The following SEPTIN9 variants were observed in gnomAD, a reference collection of about 807,000 sequenced individuals.
SEPTIN9 encodes septin-9.
SEPTIN9 carries 13 observed loss-of-function variants against 56.6 expected under a neutral mutation model. That is an observed-to-expected ratio of 0.23 (90% CI 0.15 to 0.37). SEPTIN9 has a LOEUF of 0.37. SEPTIN9 is among the 10% of genes least tolerant of loss of function. SEPTIN9 has a pLI of 1.00. For synonymous variants in SEPTIN9, 332 were observed against 334.1 expected, an observed-to-expected ratio of 0.99 and a Z score of 0.07; for missense variants, 650 against 823.1, an observed-to-expected ratio of 0.79 and a Z score of 2.57.
chr17:77,391,945 T>A (rs1408416473), intron 2 of SEPTIN9, among the ~76,000 whole-genome samples: 1 of 152,200 alleles, frequency 6.6e-6, no homozygotes, highest in African/African-American at 2.4e-5. Context: ...GCCCACCCCT[T>A]TGTGTTCCAT....
intron 10 of SEPTIN9, among the ~76,000 whole-genome samples, chr17:77,496,804 C>G (rs1157466313): frequency 6.6e-6 from 1 of 152,216 alleles, no homozygotes; most frequent in Non-Finnish European, 1.5e-5. Context: ...GTGCTCTGAG[C>G]GCACACAAGG....
chr17:77,464,834 C>T (rs1368493672), intron 3 of SEPTIN9, among the ~76,000 whole-genome samples: 3 of 151,802 alleles, frequency 2.0e-5, no homozygotes, highest in African/African-American at 7.3e-5. Flanking sequence ...ACCTCGTGAT[C>T]CACCCGCCTC....
chr17:77,419,281 G>T (rs1173730332), intron 3 of SEPTIN9, among the ~76,000 whole-genome samples: 3 of 152,182 alleles, frequency 2.0e-5, no homozygotes, highest in Non-Finnish European at 2.9e-5. Flanking sequence ...TCCTGGGCAC[G>T]AGTTGGGAGC....
rs1281236589 is a variant in SEPTIN9, at chr17:77,330,631, C to T, written c.76+23434C>T. The stretch of plus-strand genomic sequence containing the variant: ...AGTGGGGGCACCTGTGCAGCTCACC[C>T]TGCAGAACAGACAATTTGGTTAAAG... On this transcript the variant is annotated intron_variant, in intron 2 of 11. Transcript: ENST00000427177. This position sits in a 1 kb window ranked among gnomAD's most constrained non-coding sequence, Gnocchi z 4.4. Among the ~76,000 whole-genome samples the T allele has an allele frequency of 6.6e-6, 1 of 152,234 alleles. No homozygotes were observed. The highest frequency in any genetic ancestry group is 1.5e-5 in the Non-Finnish European group (1 of 68,038).
chr17:77,397,315 G>A (rs553396747), intron 2 of SEPTIN9, among the ~76,000 whole-genome samples: 38 of 152,158 alleles, frequency 2.5e-4, no homozygotes, highest in African/African-American at 7.9e-4. Context: ...CTCTCATCAC[G>A]TAGCCCTCCC....
rs2143639519 is a variant in SEPTIN9, at chr17:77,317,077, T to C, written c.76+9880T>C. On this transcript the variant is annotated intron_variant, in intron 2 of 11. Transcript: ENST00000427177. This position sits in a 1 kb window ranked among gnomAD's most constrained non-coding sequence, Gnocchi z 4.2. The stretch of plus-strand genomic sequence containing the variant: ...CTTAACACAATGTTTTAGGAAGAAA[T>C]AGAATAACAGAAAGCAACTCCAGTG... Among the ~76,000 whole-genome samples the C allele has an allele frequency of 6.6e-6, 1 of 152,214 alleles. No homozygotes were observed. Among genetic ancestry groups the C allele is most frequent in the East Asian group, 1.9e-4 (1 of 5,180 alleles).
chr17:77,312,751 G>A (rs1026257571), intron 2 of SEPTIN9, among the ~76,000 whole-genome samples: 15 of 152,142 alleles, frequency 9.9e-5, no homozygotes, highest in Admixed American at 2.0e-4. Context: ...TTTGCCTCCC[G>A]GGTAAGAAAT....
Position 77,402,126 on chromosome 17 carries a change from G to C in SEPTIN9, c.144G>C (p.Gln48His). ...ACTCCACCCCACCCCGGAGGGTCCAGACTCCCCTACTCCGAGCCACTGTGG... is the reference window on the plus strand; with the variant it reads ...ACTCCACCCCACCCCGGAGGGTCCACACTCCCCTACTCCGAGCCACTGTGG... Reference protein sequence around the residue: ...TPNSTPPRRVQTPLLRATVAS... With the variant: ...TPNSTPPRRVHTPLLRATVAS... The change falls in exon 3 of 12, where the codon CAG (glutamine) becomes CAC (histidine). Residue 48 changes from glutamine to histidine, a missense_variant. By Grantham distance (24) the Gln-to-His change is conservative. Coordinates refer to ENST00000427177, the MANE Select transcript of SEPTIN9 (RefSeq NM_001113491.2). This position sits in a 1 kb window ranked among gnomAD's most constrained non-coding sequence, Gnocchi z 6.6. 3.7e-6 allele frequency: 6 copies of C among 1,613,922 alleles called. No homozygotes were observed. Among genetic ancestry groups the C allele is most frequent in the Non-Finnish European group, 4.2e-6 (5 of 1,179,872 alleles).
chr17:77,487,138 C>T lies in SEPTIN9; in HGVS notation c.914-286C>T, dbSNP rs1041656196. Among the ~76,000 whole-genome samples the T allele has an allele frequency of 6.6e-6, 1 of 152,210 alleles. No homozygotes were observed. Among genetic ancestry groups the T allele is most frequent in the African/African-American group, 2.4e-5 (1 of 41,440 alleles). On this transcript the variant is annotated intron_variant, in intron 4 of 11. Transcript: ENST00000427177. This position sits in a 1 kb window ranked among gnomAD's most constrained non-coding sequence, Gnocchi z 4.3. ...TCCTGTCCAGAAAGCACAAGGGGCACAAGAGATGCCGACTCTCCCAGGCCC... is the reference window on the plus strand; with the variant it reads ...TCCTGTCCAGAAAGCACAAGGGGCATAAGAGATGCCGACTCTCCCAGGCCC...
At chr17:77,396,740 G>T (rs6501953) in intron 2 of SEPTIN9, among the ~76,000 whole-genome samples, 2,307 of 152,228 alleles carry the variant, frequency 0.015, 47 homozygotes, top group African/African-American at 0.053. Context: ...AATGTCCTCC[G>T]TGGGGAGGCA....
intron 2 of SEPTIN9, among the ~76,000 whole-genome samples, chr17:77,315,650 G>A (rs1287638972): frequency 1.3e-5 from 2 of 152,232 alleles, no homozygotes; most frequent in Non-Finnish European, 2.9e-5. Context: ...GAGTGAGTGT[G>A]ACACTTCCTT....
At chr17:77,294,913 G>A (rs1412531169) in intron 1 of SEPTIN9, 1 of 152,220 alleles carries the variant, frequency 6.6e-6, no homozygotes, top group African/African-American at 2.4e-5. Context: ...GGTGAGTGGA[G>A]CGAGTATTGC....
rs894931424 is a variant in SEPTIN9, at chr17:77,437,735, T to G, written c.721+35032T>G. 1.3e-5 allele frequency among the ~76,000 whole-genome samples: 2 copies of G among 152,124 alleles called. No individual in the cohort carries two copies. The highest frequency in any genetic ancestry group is 4.8e-5 in the African/African-American group (2 of 41,426). The stretch of plus-strand genomic sequence containing the variant: ...GAACCCCAGTAGTGGCCTGGGAGAA[T>G]CATCTGTCACGAGCCAAGGATGGAG... On this transcript the variant is annotated intron_variant, in intron 3 of 11. Coordinates refer to ENST00000427177, the MANE Select transcript of SEPTIN9 (RefSeq NM_001113491.2). This position sits in a 1 kb window ranked among gnomAD's most constrained non-coding sequence, Gnocchi z 5.3.
rs1286806586 is a variant in SEPTIN9, at chr17:77,404,996, T to C, written c.721+2293T>C. On this transcript the variant is annotated intron_variant, in intron 3 of 11. Coordinates refer to ENST00000427177, the MANE Select transcript of SEPTIN9 (RefSeq NM_001113491.2). ...CAGGACCTTTGTTTGACGTGCCGGA[T>C]ACACCCCCATCCTGGGTTGATGTGT... The C allele has an allele frequency of 6.3e-6, 8 of 1,279,158 alleles. No homozygotes were observed. The East Asian group carries it at 1.8e-4, about 29-fold the overall frequency. The allele number at this position is 1,279,158 out of a possible 1,614,324, so 79.2% of individuals were successfully genotyped here. A position where few individuals can be genotyped will look rare whatever the true frequency, so the allele number is the denominator to read the frequency against.
At chr17:77,441,713 A>T (rs2037554350) in intron 3 of SEPTIN9, among the ~76,000 whole-genome samples, 1 of 152,144 alleles carries the variant, frequency 6.6e-6, no homozygotes, top group Non-Finnish European at 1.5e-5. Context: ...CGTTTTTAAA[A>T]ATGTTTACTC....
Position 77,367,421 on chromosome 17 carries a change from G to T in SEPTIN9, c.77-34638G>T, listed in dbSNP as rs866219242. Among the ~76,000 whole-genome samples, 1 of 152,176 alleles carries T rather than the reference G, an allele frequency of 6.6e-6. No homozygotes were observed. Among genetic ancestry groups the T allele is most frequent in the African/African-American group, 2.4e-5 (1 of 41,418 alleles). ...TCTGCCATTCTGCAAAGGAAACTGCGCTTTGTCATTGCACAGGATCGAACA... is the reference window on the plus strand; with the variant it reads ...TCTGCCATTCTGCAAAGGAAACTGCTCTTTGTCATTGCACAGGATCGAACA... On this transcript the variant is annotated intron_variant, in intron 2 of 11. Transcript: ENST00000427177. The surrounding 1 kb of genome is among the most constrained non-coding windows in gnomAD (Gnocchi z 4.5).
Position 77,310,085 on chromosome 17 carries a change from T to C in SEPTIN9, c.76+2888T>C, listed in dbSNP as rs1260811389. On this transcript the variant is annotated intron_variant, in intron 2 of 11. Transcript: ENST00000427177. This position sits in a 1 kb window ranked among gnomAD's most constrained non-coding sequence, Gnocchi z 4.7. ...CCTCTGCCTCCTGGGTTCAAGCGAT[T>C]CTTCTGCCTCAGCCTCCTCAGTAGC... Among the ~76,000 whole-genome samples the C allele has an allele frequency of 6.6e-6, 1 of 152,072 alleles. No individual in the cohort carries two copies. The highest frequency in any genetic ancestry group is 1.5e-5 in the Non-Finnish European group (1 of 68,000).
Position 77,486,108 on chromosome 17 carries a change from G to A in SEPTIN9, c.914-1316G>A, listed in dbSNP as rs151154708. On this transcript the variant is annotated intron_variant, in intron 4 of 11. Coordinates refer to ENST00000427177, the MANE Select transcript of SEPTIN9 (RefSeq NM_001113491.2). ...TGGGATTACAGGCGTGAGCCATCTC[G>A]CCTGGCCGATTTTTGTTTTTTTAAA... 1.6e-4 allele frequency among the ~76,000 whole-genome samples: 24 copies of A among 145,544 alleles called. 1 individual carries two copies. In the East Asian group the frequency reaches 4.6e-3, roughly 28 times the overall value.
intron 4 of SEPTIN9, among the ~76,000 whole-genome samples, chr17:77,485,000 AAGG>A (rs374604986): frequency 0.016 from 20 of 1,236 alleles, no homozygotes; most frequent in East Asian, 0.015. Flanking sequence ...GATGGTGGTG[AAGG>A]GGGTGATGGT....
Sources: allele counts gnomAD v4.1 joint callset (sites outside exome capture counted in the v4.1 genomes callset), GRCh38; gene constraint gnomAD v4.1.1; non-coding constraint Gnocchi (gnomAD v3.1); transcripts MANE v1.5; gene names NCBI Gene and HGNC (gene_info 2026-07-23, HGNC 2026-07-21).